NTRK3: variants seen among roughly 807,000 people sequenced by gnomAD.
NTRK3 encodes the protein NT-3 growth factor receptor.
A neutral mutation model predicts 91.7 loss-of-function variants in NTRK3; 24 were observed. The observed-to-expected ratio is 0.26, with a 90% CI of 0.19 to 0.37. The LOEUF is 0.37. NTRK3 is among the 10% of genes least tolerant of loss of function. The probability of loss-of-function intolerance (pLI) is 1.00; values close to 1 mark genes in which losing one functional copy is unlikely to be tolerated. For synonymous variants in NTRK3, 483 were observed against 404.0 expected (o/e 1.20, Z -2.34); for missense variants, 880 against 1,068.9 (o/e 0.82, Z 2.46).
intron 15 of NTRK3, among the ~76,000 whole-genome samples, chr15:87,934,814 C>T (rs1161339060): frequency 6.6e-6 from 1 of 152,092 alleles, no homozygotes; most frequent in African/African-American, 2.4e-5. Flanking sequence ...TCACAGTGCC[C>T]CAAAGTTCAG....
exon 19 of NTRK3, chr15:87,869,823 G>A (rs370668866): frequency 7.6e-5 from 15 of 197,604 alleles, no homozygotes; most frequent in Admixed American, 1.8e-4. Flanking sequence ...ACAGAACATG[G>A]ACAGATCTCC....
chr15:88,221,172 G>A (rs1380719299), intron 3 of NTRK3, among the ~76,000 whole-genome samples: 1 of 152,168 alleles, frequency 6.6e-6, no homozygotes, highest in African/African-American at 2.4e-5. Context: ...GGAAAGTCTG[G>A]AAAAACTGAA....
chr15:88,078,336 C>T (rs539924601), intron 13 of NTRK3, among the ~76,000 whole-genome samples: 5 of 152,206 alleles, frequency 3.3e-5, no homozygotes, highest in Admixed American at 6.5e-5. Context: ...ACAGGTGCTT[C>T]GATAATAGTA....
At chr15:88,022,192 C>G (rs142566736) in intron 14 of NTRK3, among the ~76,000 whole-genome samples, 132 of 152,250 alleles carry the variant, frequency 8.7e-4, no homozygotes, top group African/African-American at 3.1e-3. Context: ...TGTTCTTAAG[C>G]TCTCTGGCTT....
At chr15:87,922,802 T>A (rs909668248) in intron 17 of NTRK3, among the ~76,000 whole-genome samples, 1 of 152,236 alleles carries the variant, frequency 6.6e-6, no homozygotes, top group Non-Finnish European at 1.5e-5. Flanking sequence ...ATTTCTTCCC[T>A]GTTTTTCTTC....
intron 14 of NTRK3, among the ~76,000 whole-genome samples, chr15:87,942,956 G>T (rs1249543706): frequency 6.6e-6 from 1 of 152,162 alleles, no homozygotes; most frequent in African/African-American, 2.4e-5. Flanking sequence ...TCAGGACATG[G>T]CAGGGTTGCC....
At position 87,946,913 on chromosome 15, in the gene NTRK3, G is replaced by A. The variant is rs898133330; in HGVS notation, c.1586-6160C>T. ...TTTTTTTTTTTTGAGATGGAATCTC[G>A]CTCTATCGCCCAGGCTGGAGTGCAA... is the stretch of plus-strand genomic sequence containing the variant. On this transcript the variant is annotated intron_variant, in intron 14 of 18. Transcript: ENST00000394480. 5.1e-5 allele frequency among the ~76,000 whole-genome samples: 6 copies of A among 118,118 alleles called. No individual in the cohort carries two copies. The South Asian group carries it at 8.2e-4, about 16-fold the overall frequency. The allele number at this position is 118,118 out of a possible 152,430, so 77.5% of individuals were successfully genotyped here.
intron 3 of NTRK3, among the ~76,000 whole-genome samples, chr15:88,223,324 C>T (rs1046985858): frequency 5.3e-5 from 8 of 152,228 alleles, no homozygotes; most frequent in African/African-American, 1.7e-4. Context: ...GGGGGCTGGC[C>T]GCTGGTCACA....
intron 12 of NTRK3, 31 bp from the exon 13 acceptor site, chr15:88,126,404 A>G (rs761642410): frequency 6.7e-7 from 1 of 1,498,338 alleles, no homozygotes; most frequent in Admixed American, 1.7e-5. Flanking sequence ...AGAGTCAGCA[A>G]CAATCACAGA....
chr15:88,154,599 A>G (rs2043709231), intron 5 of NTRK3, among the ~76,000 whole-genome samples: 1 of 152,168 alleles, frequency 6.6e-6, no homozygotes, highest in Admixed American at 6.5e-5. Flanking sequence ...ACTTTAATGA[A>G]GTCAAAATGC....
rs144526012 is a variant in NTRK3, at chr15:87,933,811, G to A, written c.1717-627C>T. Among the ~76,000 whole-genome samples the A allele has an allele frequency of 2.6e-5, 4 of 152,318 alleles. No homozygotes were observed. The East Asian group carries it at 7.7e-4, about 29-fold the overall frequency. ...ATAGGGTGGGAAGAGTGGGGCGGCA[G>A]CTACGGGAATGGCAGTTAGTGGACA... On this transcript the variant is annotated intron_variant, in intron 15 of 18. Coordinates refer to ENST00000394480, the Ensembl canonical transcript of NTRK3.
Position 88,194,096 on chromosome 15 carries a change from CT to C in NTRK3, c.249-9798del, listed in dbSNP as rs552295007. Among the ~76,000 whole-genome samples the C allele has an allele frequency of 1.6e-4, 24 of 152,342 alleles. No homozygotes were observed. In the East Asian group the frequency reaches 4.6e-3, roughly 29 times the overall value. Reference sequence around the variant, plus strand: ...TTCAATCTCTGGGTAGCATTTTACCCTGTTAACCACTCTTTCTTCCTTGAAA... The same window carrying C: ...TTCAATCTCTGGGTAGCATTTTACCCGTTAACCACTCTTTCTTCCTTGAAA... On this transcript the variant is annotated intron_variant, in intron 3 of 18. Coordinates refer to ENST00000394480, the Ensembl canonical transcript of NTRK3.
At chr15:87,985,799 C>T (rs200475265) in intron 14 of NTRK3, among the ~76,000 whole-genome samples, 7 of 152,096 alleles carry the variant, frequency 4.6e-5, no homozygotes, top group African/African-American at 1.4e-4. Flanking sequence ...GCAAAAGACT[C>T]GCTCCTGAAG....
intron 17 of NTRK3, among the ~76,000 whole-genome samples, chr15:87,900,693 G>GTGTT (rs2066398091): frequency 7.4e-6 from 1 of 135,304 alleles, no homozygotes; most frequent in Non-Finnish European, 1.6e-5. Context: ...TACAGAGGGT[G>GTGTT]TGTGTGTGTG....
At position 87,961,896 on chromosome 15, in the gene NTRK3, C is replaced by A. The variant is rs921866747; in HGVS notation, c.1586-21143G>T. ...TGATGCTGTATTTCCTTGATTCCAA[C>A]TACCCCTGCTTCCAGGAGCATACCA... On this transcript the variant is annotated intron_variant, in intron 14 of 18. Transcript: ENST00000394480. 1.3e-3 allele frequency among the ~76,000 whole-genome samples: 192 copies of A among 152,382 alleles called. 1 individual carries two copies. Among genetic ancestry groups the A allele is most frequent in the Non-Finnish European group, 5.9e-4 (40 of 68,034 alleles).
At position 88,164,196 on chromosome 15, in the gene NTRK3, G is replaced by T. The variant is rs186738513; in HGVS notation, c.396-16793C>A. Among the ~76,000 whole-genome samples, 3 of 152,308 alleles carry T rather than the reference G, an allele frequency of 2.0e-5. No individual in the cohort carries two copies. The South Asian group carries it at 6.2e-4, about 32-fold the overall frequency. On this transcript the variant is annotated intron_variant, in intron 5 of 18. Coordinates refer to ENST00000394480, the Ensembl canonical transcript of NTRK3. ...GGCTTAGAATTTGAATTTTCCCCAC[G>T]GTCTTGGCCCCTTGCTGGACCCACA...
chr15:88,095,234 GCCA>G (rs2150803862), intron 13 of NTRK3, among the ~76,000 whole-genome samples: 1 of 152,336 alleles, frequency 6.6e-6, no homozygotes, highest in Non-Finnish European at 1.5e-5. Context: ...TGGTTGGAAA[GCCA>G]CATAAAGAAA....
chr15:88,250,819 C>T (rs1010993324), intron 3 of NTRK3, among the ~76,000 whole-genome samples: 1 of 152,244 alleles, frequency 6.6e-6, no homozygotes, highest in African/African-American at 2.4e-5. Flanking sequence ...AAACCCCAAA[C>T]ACTCATATTT....
At chr15:88,193,393 C>G (rs887953990) in intron 3 of NTRK3, among the ~76,000 whole-genome samples, 7 of 152,142 alleles carry the variant, frequency 4.6e-5, no homozygotes, top group African/African-American at 1.7e-4. Flanking sequence ...GAGCTCCCTC[C>G]CAGGCCCAGG....
Sources: allele counts gnomAD v4.1 joint callset (sites outside exome capture counted in the v4.1 genomes callset), GRCh38; gene constraint gnomAD v4.1.1; transcripts MANE v1.5; gene names NCBI Gene and HGNC (gene_info 2026-07-23, HGNC 2026-07-21).